PARN: variants seen among roughly 807,000 people sequenced by gnomAD.
The protein encoded by PARN is poly(A)-specific ribonuclease PARN.
A neutral mutation model predicts 102.8 loss-of-function variants in PARN; 71 were observed. The observed-to-expected ratio is 0.69, with a 90% confidence interval of 0.57 to 0.84. The LOEUF (loss-of-function observed/expected upper bound fraction) is 0.84. PARN is among the 40% of genes least tolerant of loss of function. PARN has a pLI of 0.00. For synonymous variants in PARN, 261 were observed against 252.9 expected (o/e 1.03, Z -0.30); for missense variants, 782 against 760.9 (o/e 1.03, Z -0.33).
At chr16:14,609,260 T>G in intron 7 of PARN, 137 bp from the exon 8 acceptor site, 1 of 583,162 alleles carries the variant, frequency 1.7e-6, no homozygotes, top group Admixed American at 3.4e-5. Flanking sequence ...CCCTAGAAAT[T>G]TTAGTTCAAA....
intron 19 of PARN, among the ~76,000 whole-genome samples, chr16:14,555,255 A>G (rs1967604404): frequency 6.6e-6 from 1 of 152,222 alleles, no homozygotes; most frequent in Non-Finnish European, 1.5e-5. Flanking sequence ...AAAACAAAAC[A>G]AAACAGAAAT....
chr16:14,598,147 AAT>A (rs149028366), intron 12 of PARN, among the ~76,000 whole-genome samples: 6,540 of 149,506 alleles, frequency 0.044, 150 homozygotes, highest in African/African-American at 0.054. Context: ...CGGCTCAAAA[AAT>A]ATATATATAT....
chr16:14,546,519 C>G (rs1159495970), intron 21 of PARN, among the ~76,000 whole-genome samples: 1 of 152,176 alleles, frequency 6.6e-6, no homozygotes, highest in Admixed American at 6.6e-5. Flanking sequence ...TTATCAATTT[C>G]TGCTTTTAAA....
intron 1 of PARN, 112 bp downstream of exon 1, chr16:14,629,995 G>A (rs921132574): frequency 2.0e-6 from 2 of 980,756 alleles, no homozygotes; most frequent in Non-Finnish European, 3.1e-6. Context: ...GAAAAGCCCT[G>A]AGGGGCTGCC....
chr16:14,526,803 T>C (rs1001099399), intron 21 of PARN, among the ~76,000 whole-genome samples: 3 of 152,242 alleles, frequency 2.0e-5, no homozygotes, highest in Admixed American at 6.5e-5. Flanking sequence ...AGGGTTAAAG[T>C]TGGGCCAGGA....
Position 14,599,037 on chromosome 16 carries a change from CTTTTTTTTTT to C in PARN, c.840+857_840+866del, listed in dbSNP as rs71150194. Reference sequence around the variant, plus strand: ...GGATGCCTGTTTTCTTTCTCCTCTTCTTTTTTTTTTTTTTTTTTTTTTTTGGAGACAGGGT... The same window carrying C: ...GGATGCCTGTTTTCTTTCTCCTCTTCTTTTTTTTTTTTTTGGAGACAGGGT... On this transcript the variant is annotated intron_variant, in intron 12 of 23. Transcript: ENST00000437198. Among the ~76,000 whole-genome samples the C allele has an allele frequency of 2.0e-3, 164 of 81,466 alleles. 1 individual carries two copies. The Middle Eastern group carries it at 0.031, about 15-fold the overall frequency. The allele number at this position is 81,466 out of a possible 152,430, so 53.4% of individuals were successfully genotyped here.
chr16:14,530,351 C>G (rs1596587350), intron 21 of PARN, among the ~76,000 whole-genome samples: 1 of 152,134 alleles, frequency 6.6e-6, no homozygotes, highest in African/African-American at 2.4e-5. Context: ...AGCCCACCAA[C>G]ACCCGCCACA....
intron 21 of PARN, among the ~76,000 whole-genome samples, chr16:14,530,568 A>G (rs1966271113): frequency 6.6e-6 from 1 of 152,094 alleles, no homozygotes. Context: ...TATATTATAT[A>G]AGACACACTG....
intron 21 of PARN, among the ~76,000 whole-genome samples, chr16:14,545,387 C>T (rs961495040): frequency 3.9e-5 from 6 of 152,062 alleles, no homozygotes; most frequent in African/African-American, 1.4e-4. Context: ...AGAAATCTAA[C>T]GAAATCCTAA....
At chr16:14,487,499 T>C (rs765395850) in intron 21 of PARN, among the ~76,000 whole-genome samples, 1 of 152,208 alleles carries the variant, frequency 6.6e-6, no homozygotes, top group Non-Finnish European at 1.5e-5. Context: ...GAAGACAACA[T>C]AAGATGTAGA....
chr16:14,436,616 T>A lies in PARN; in HGVS notation c.*101A>T. On this transcript the variant is annotated 3_prime_UTR_variant, in exon 24 of 24. Transcript: ENST00000437198. ...ACAACTTGGTTTCCAACCCCTCCCA[T>A]ACCACATTTGATTAAGTTAAATACA... 1 of 835,374 alleles carries A rather than the reference T, an allele frequency of 1.2e-6. No homozygotes were observed. The highest frequency in any genetic ancestry group is 2.0e-6 in the Non-Finnish European group (1 of 511,488). 51.7% of individuals were successfully genotyped at this position (835,374 alleles called of 1,614,324 possible).
intron 21 of PARN, among the ~76,000 whole-genome samples, chr16:14,523,830 A>C (rs1275338452): frequency 6.6e-6 from 1 of 152,066 alleles, no homozygotes; most frequent in South Asian, 2.1e-4. Flanking sequence ...CTTGTTGCCT[A>C]ATGAAGGGGT....
intron 21 of PARN, among the ~76,000 whole-genome samples, chr16:14,548,596 TA>T (rs1967106671): frequency 6.6e-6 from 1 of 152,064 alleles, no homozygotes; most frequent in African/African-American, 2.4e-5. Flanking sequence ...AACAATATAA[TA>T]AGGTATACAA....
At chr16:14,623,811 T>C (rs1299905489) in intron 5 of PARN, among the ~76,000 whole-genome samples, 2 of 148,528 alleles carry the variant, frequency 1.3e-5, no homozygotes, top group Non-Finnish European at 3.0e-5. Flanking sequence ...CACTCCAGCC[T>C]GGGCGACAGT....
At chr16:14,596,182 G>A (rs961756385) in intron 12 of PARN, among the ~76,000 whole-genome samples, 5 of 152,086 alleles carry the variant, frequency 3.3e-5, no homozygotes, top group Admixed American at 2.0e-4. Flanking sequence ...CCAGAGCTCC[G>A]TGGAGAAGTC....
At chr16:14,471,110 T>C (rs1962712468) in intron 22 of PARN, among the ~76,000 whole-genome samples, 1 of 152,182 alleles carries the variant, frequency 6.6e-6, no homozygotes. Flanking sequence ...ATAAACACAA[T>C]TGTTCTGCTT....
intron 21 of PARN, among the ~76,000 whole-genome samples, chr16:14,526,767 T>C (rs903938782): frequency 1.3e-5 from 2 of 152,248 alleles, no homozygotes; most frequent in African/African-American, 2.4e-5. Context: ...TATCCAGTAC[T>C]TGGAGCCGTC....
intron 18 of PARN, among the ~76,000 whole-genome samples, chr16:14,556,460 T>C (rs1051908136): frequency 1.3e-5 from 2 of 152,100 alleles, no homozygotes; most frequent in African/African-American, 2.4e-5. Context: ...GCACCAGCCA[T>C]GTAAAATCAT....
chr16:14,551,918 T>A (rs554634025), intron 21 of PARN, 103 bp downstream of exon 21: 2 of 665,770 alleles, frequency 3.0e-6, no homozygotes, highest in African/African-American at 3.6e-5. Flanking sequence ...GAGGCAGCAA[T>A]GAGTGTAAGC....
Sources: gnomAD v4.1 joint callset for allele counts (sites outside exome capture counted in the v4.1 genomes callset) on GRCh38, gnomAD v4.1.1 for gene constraint, MANE v1.5 for transcripts, NCBI Gene and HGNC (gene_info 2026-07-23, HGNC 2026-07-21) for gene names.